The following CADM2 variants were observed in gnomAD, a reference collection of about 807,000 sequenced individuals.
The protein encoded by CADM2 is cell adhesion molecule 2, also known as immunoglobulin superfamily member 4D.
Under a neutral mutation model 49.8 loss-of-function variants are expected in CADM2, and 12 were observed. The ratio of observed to expected loss-of-function variants is 0.24; its 90% CI spans 0.15 to 0.39. The LOEUF (loss-of-function observed/expected upper bound fraction) is 0.39. Among genes scored for constraint, CADM2 ranks in the 10% least tolerant of loss-of-function variants. The pLI is 1.00. For synonymous variants in CADM2, 214 were observed against 175.4 expected, an observed-to-expected ratio of 1.22 and a Z score of -1.74; for missense variants, 378 against 492.3, an observed-to-expected ratio of 0.77 and a Z score of 2.20.
At chr3:85,396,210 G>A (rs2034780895) in intron 1 of CADM2, among the ~76,000 whole-genome samples, 1 of 151,614 alleles carries the variant, frequency 6.6e-6, no homozygotes, top group African/African-American at 2.4e-5. Context: ...GGTAAATGTA[G>A]ATTAGTGAAG....
intron 1 of CADM2, among the ~76,000 whole-genome samples, chr3:85,687,808 C>T (rs1191655476): frequency 6.6e-6 from 1 of 152,172 alleles, no homozygotes; most frequent in Non-Finnish European, 1.5e-5. Flanking sequence ...CACTGCTTGC[C>T]ATGGACCAGT....
At chr3:85,739,529 A>G (rs2068289852) in intron 2 of CADM2, among the ~76,000 whole-genome samples, 1 of 152,116 alleles carries the variant, frequency 6.6e-6, no homozygotes, top group African/African-American at 2.4e-5. Context: ...AGAAGAGGAA[A>G]AAGTAACTTA....
intron 1 of CADM2, among the ~76,000 whole-genome samples, chr3:85,301,775 C>T (rs1003198848): frequency 2.6e-5 from 4 of 151,984 alleles, no homozygotes; most frequent in African/African-American, 9.7e-5. Context: ...GGAAAAATGT[C>T]TTATGATATA....
intron 1 of CADM2, among the ~76,000 whole-genome samples, chr3:85,475,300 C>A (rs1268645604): frequency 6.6e-6 from 1 of 151,976 alleles, no homozygotes; most frequent in African/African-American, 2.4e-5. Flanking sequence ...GTGTGTGCAT[C>A]TGGCTAGTGT....
intron 1 of CADM2, among the ~76,000 whole-genome samples, chr3:85,518,378 T>C (rs1205234399): frequency 6.6e-6 from 1 of 152,080 alleles, no homozygotes; most frequent in Non-Finnish European, 1.5e-5. Flanking sequence ...AAAGCATCTT[T>C]AACATTCATA....
At chr3:85,804,256 T>A (rs2072256905) in intron 3 of CADM2, among the ~76,000 whole-genome samples, 1 of 152,124 alleles carries the variant, frequency 6.6e-6, no homozygotes, top group South Asian at 2.1e-4. Context: ...AAATGTTCAT[T>A]ACGAAACTAA....
At chr3:85,227,222 A>C (rs552798344) in intron 1 of CADM2, among the ~76,000 whole-genome samples, 1 of 151,854 alleles carries the variant, frequency 6.6e-6, no homozygotes, top group South Asian at 2.1e-4. Context: ...TTGACAGTGG[A>C]GTGTTAAAAT....
intron 1 of CADM2, among the ~76,000 whole-genome samples, chr3:85,217,317 T>C (rs2041949860): frequency 6.6e-6 from 1 of 151,832 alleles, no homozygotes; most frequent in Admixed American, 6.6e-5. Context: ...AATTTAGGGA[T>C]AGGATTGAAA....
intron 1 of CADM2, among the ~76,000 whole-genome samples, chr3:85,153,289 G>T (rs1301409007): frequency 6.6e-6 from 1 of 152,204 alleles, no homozygotes. Context: ...CAAGGGGTCA[G>T]GGAGTTCCCT....
chr3:85,621,365 C>G (rs1022181620), intron 1 of CADM2, among the ~76,000 whole-genome samples: 1 of 152,004 alleles, frequency 6.6e-6, no homozygotes, highest in Admixed American at 6.6e-5. Flanking sequence ...ATGAAAGAAA[C>G]ATTTTTAAGA....
intron 1 of CADM2, among the ~76,000 whole-genome samples, chr3:85,651,382 C>A (rs1023914026): frequency 6.6e-6 from 1 of 152,220 alleles, no homozygotes; most frequent in Admixed American, 6.5e-5. Flanking sequence ...TCCACCCATT[C>A]AGTTTTTCCA....
chr3:85,157,244 C>T (rs1460067198), intron 1 of CADM2, among the ~76,000 whole-genome samples: 4 of 151,536 alleles, frequency 2.6e-5, no homozygotes, highest in East Asian at 1.9e-4. Context: ...GAATCAATAT[C>T]GTGAAAATGG....
chr3:85,026,890 A>G (rs1426735181), intron 1 of CADM2, among the ~76,000 whole-genome samples: 2 of 152,010 alleles, frequency 1.3e-5, no homozygotes, highest in African/African-American at 4.8e-5. Flanking sequence ...ATGCTAGTGT[A>G]TATACCCTGG....
chr3:85,024,159 A>G (rs1302190073), intron 1 of CADM2, among the ~76,000 whole-genome samples: 1 of 152,128 alleles, frequency 6.6e-6, no homozygotes, highest in Non-Finnish European at 1.5e-5. Context: ...TTTCTGATGT[A>G]AAAGCCACAA....
At chr3:85,074,995 A>G (rs911355864) in intron 1 of CADM2, among the ~76,000 whole-genome samples, 1 of 152,108 alleles carries the variant, frequency 6.6e-6, no homozygotes, top group Admixed American at 6.6e-5. Flanking sequence ...TAGCTCAGTA[A>G]GCAACCTGAT....
chr3:85,492,566 C>T (rs1576650904), intron 1 of CADM2, among the ~76,000 whole-genome samples: 1 of 151,476 alleles, frequency 6.6e-6, no homozygotes, highest in Admixed American at 6.6e-5. Flanking sequence ...CCAGCCTGGG[C>T]GACAGAGCGG....
At chr3:85,612,601 C>T (rs1312256132) in intron 1 of CADM2, among the ~76,000 whole-genome samples, 2 of 151,504 alleles carry the variant, frequency 1.3e-5, no homozygotes, top group Non-Finnish European at 1.5e-5. Context: ...GTTTACAAAA[C>T]ATATTAGCAG....
intron 1 of CADM2, among the ~76,000 whole-genome samples, chr3:85,109,232 C>A (rs1396476339): frequency 6.6e-6 from 1 of 151,956 alleles, no homozygotes; most frequent in East Asian, 1.9e-4. Context: ...ACTACAAGAA[C>A]TCCAGACACA....
chr3:85,611,592 A>G (rs1258520198), intron 1 of CADM2, among the ~76,000 whole-genome samples: 1 of 151,964 alleles, frequency 6.6e-6, no homozygotes, highest in South Asian at 2.1e-4. Context: ...GTTACTGAAC[A>G]AACAAGTTGG....
Sources: gnomAD v4.1 joint callset for allele counts (sites outside exome capture counted in the v4.1 genomes callset) on GRCh38, gnomAD v4.1.1 for gene constraint, MANE v1.5 for transcripts, NCBI Gene and HGNC (gene_info 2026-07-23, HGNC 2026-07-21) for gene names.